KMT2E: variants seen among roughly 807,000 people sequenced by gnomAD.
KMT2E encodes the protein lysine methyltransferase 2E (inactive), also known as histone reader KMT2E.
In KMT2E, 30 loss-of-function variants were observed where a neutral mutation model predicts 184.6. That is an observed-to-expected ratio of 0.16 (90% CI 0.12 to 0.22). KMT2E has a LOEUF of 0.22. KMT2E is among the 10% of genes least tolerant of loss of function. The pLI, the probability that KMT2E is intolerant of heterozygous loss-of-function variation, is 1.00. For synonymous variants in KMT2E, 815 were observed against 776.5 expected, an observed-to-expected ratio of 1.05 and a Z score of -0.82; for missense variants, 2,023 against 2,237.4, an observed-to-expected ratio of 0.90 and a Z score of 1.93.
At chr7:105,058,322 C>CT (rs1796655869) in intron 3 of KMT2E, among the ~76,000 whole-genome samples, 1 of 152,100 alleles carries the variant, frequency 6.6e-6, no homozygotes, top group African/African-American at 2.4e-5. Context: ...GCTTGGTTGT[C>CT]TAACTCCTAA....
intron 3 of KMT2E, among the ~76,000 whole-genome samples, chr7:105,050,918 G>C (rs1584729136): frequency 2.2e-5 from 3 of 138,082 alleles, no homozygotes; most frequent in Non-Finnish European, 4.9e-5. Flanking sequence ...TTCGAGATGG[G>C]ATTTCACCAT....
chr7:105,057,735 AGCCACTGC>A (rs920668558), intron 3 of KMT2E, among the ~76,000 whole-genome samples: 4 of 152,156 alleles, frequency 2.6e-5, no homozygotes, highest in African/African-American at 9.7e-5. Context: ...CGTAAGCGTG[AGCCACTGC>A]GCCCAGCCTC....
intron 1 of KMT2E, among the ~76,000 whole-genome samples, chr7:105,025,067 A>G (rs1054090623): frequency 2.0e-5 from 3 of 152,176 alleles, no homozygotes; most frequent in African/African-American, 7.2e-5. Context: ...GCACTGGAGA[A>G]TGACATGTGG....
intron 5 of KMT2E, among the ~76,000 whole-genome samples, chr7:105,066,165 C>T (rs1334392124): frequency 1.3e-5 from 2 of 151,964 alleles, no homozygotes; most frequent in Admixed American, 6.6e-5. Flanking sequence ...AAATTGTTAC[C>T]TGTTGACAGA....
intron 1 of KMT2E, among the ~76,000 whole-genome samples, chr7:105,031,683 C>T (rs769035714): frequency 4.7e-5 from 7 of 150,452 alleles, no homozygotes; most frequent in Non-Finnish European, 7.4e-5. Context: ...ACATGGGAGG[C>T]GGAGGTTGCA....
Position 105,111,867 on chromosome 7 carries a change from A to G in KMT2E, c.4111A>G (p.Lys1371Glu). 1 of 1,613,974 alleles carries G rather than the reference A, an allele frequency of 6.2e-7. No individual in the cohort carries two copies. Among genetic ancestry groups the G allele is most frequent in the Non-Finnish European group, 8.5e-7 (1 of 1,179,954 alleles). Residue 1371 changes from lysine to glutamate, a missense_variant, in exon 27 of 27, where the codon AAA becomes GAA. Physicochemically the swap from Lys to Glu is moderately conservative, Grantham distance 56. This residue lies in a region of KMT2E where 1,108 missense variants were observed against 1,050.9 expected (regional missense o/e 1.05). Coordinates refer to ENST00000311117, the MANE Select transcript of KMT2E (RefSeq NM_182931.3). ...TGTAATTCCTGCTCAAGCACACGGG[A>G]AAATATTCACAAAACCAGATCCCCA... ...GSVIPAQAHG[K>E]IFTKPDPQWD...
intron 8 of KMT2E, among the ~76,000 whole-genome samples, chr7:105,075,532 A>G (rs1482927965): frequency 2.0e-5 from 3 of 152,200 alleles, no homozygotes; most frequent in African/African-American, 7.2e-5. Context: ...ATGTCTTATC[A>G]CTTCAACAAA....
chr7:105,032,658 C>A (rs996877440), intron 1 of KMT2E, among the ~76,000 whole-genome samples: 2 of 152,138 alleles, frequency 1.3e-5, no homozygotes, highest in African/African-American at 4.8e-5. Flanking sequence ...CATACCACTA[C>A]CCCTGGCTAA....
At chr7:105,087,271 AATAT>A (rs906302414) in intron 13 of KMT2E, among the ~76,000 whole-genome samples, 2 of 140,950 alleles carry the variant, frequency 1.4e-5, no homozygotes, top group African/African-American at 2.8e-5. Context: ...GCATATATAT[AATAT>A]ATAAATATGA....
chr7:105,063,970 T>G (rs1796922729), intron 5 of KMT2E: 1 of 450,752 alleles, frequency 2.2e-6, no homozygotes, highest in South Asian at 1.6e-5. Flanking sequence ...AATTAAACAT[T>G]TTCATTGATG....
rs768710233 is a variant in KMT2E at position 105,113,213 on chromosome 7, C to T, written c.5457C>T (p.Ala1819=). ...SGFCPHPGSV[A]LPHGVQGPQQ... is the part of the protein sequence containing the mutation. The stretch of plus-strand genomic sequence containing the variant: ...TCTGTCCTCATCCTGGCTCTGTGGC[C>T]CTGCCACATGGGGTTCAAGGACCTC... Residue 1819 remains alanine, a synonymous_variant, in exon 27 of 27, where the codon GCC becomes GCT. Transcript: ENST00000311117. 6.2e-7 allele frequency: 1 copy of T among 1,614,076 alleles called. No individual in the cohort carries two copies. The highest frequency in any genetic ancestry group is 2.2e-5 in the East Asian group (1 of 44,888).
intron 1 of KMT2E, among the ~76,000 whole-genome samples, chr7:105,032,627 A>T (rs2129564654): frequency 6.6e-6 from 1 of 152,242 alleles, no homozygotes; most frequent in Admixed American, 6.5e-5. Flanking sequence ...TCAGCCTCCC[A>T]GTTAGCTGGG....
intron 1 of KMT2E, among the ~76,000 whole-genome samples, chr7:105,023,737 G>C (rs1052379496): frequency 1.3e-5 from 2 of 152,146 alleles, no homozygotes; most frequent in Non-Finnish European, 2.9e-5. Flanking sequence ...GAGCCACTGT[G>C]CCCGGCTCCG....
At chr7:105,035,836 GAT>G (rs1795630875) in intron 1 of KMT2E, among the ~76,000 whole-genome samples, 1 of 151,944 alleles carries the variant, frequency 6.6e-6, no homozygotes. Context: ...TGGGATTACA[GAT>G]GTGAGCCACC....
intron 1 of KMT2E, among the ~76,000 whole-genome samples, chr7:105,036,208 T>C (rs1795650390): frequency 1.3e-5 from 2 of 150,554 alleles, no homozygotes; most frequent in African/African-American, 2.4e-5. Context: ...TGGCAGAGTC[T>C]GTCACCCAGG....
intron 2 of KMT2E, among the ~76,000 whole-genome samples, chr7:105,039,929 G>A (rs1038489289): frequency 6.6e-6 from 1 of 152,068 alleles, no homozygotes; most frequent in Non-Finnish European, 1.5e-5. Flanking sequence ...CCACTGTTAT[G>A]TAGTGAATTT....
Position 105,081,657 on chromosome 7 carries a change from T to C in KMT2E, c.1249-31T>C, listed in dbSNP as rs759122461. 4 of 1,035,152 alleles carry C rather than the reference T, an allele frequency of 3.9e-6. No individual in the cohort carries two copies. In the South Asian group the frequency reaches 5.6e-5, roughly 15 times the overall value. 64.1% of individuals were successfully genotyped at this position (1,035,152 alleles called of 1,614,324 possible). ...ATGCTTCTGAAGGCAGAAAGTAATT[T>C]ATGGTAATGTACAATTATTTTAACT... On this transcript the variant is annotated intron_variant, in intron 12 of 26. Transcript: ENST00000311117.
At chr7:105,104,239 G>A (rs990553672) in intron 17 of KMT2E, 1 of 152,078 alleles carries the variant, frequency 6.6e-6, no homozygotes, top group African/African-American at 2.4e-5. Flanking sequence ...TTCAGGGTCA[G>A]GTATATTCAT....
intron 3 of KMT2E, among the ~76,000 whole-genome samples, chr7:105,048,581 G>A (rs1244746997): frequency 1.3e-5 from 2 of 151,768 alleles, no homozygotes; most frequent in Non-Finnish European, 2.9e-5. Flanking sequence ...AAAAAAATAC[G>A]TGTGTGTTAT....
Sources: gnomAD v4.1 joint callset for allele counts (sites outside exome capture counted in the v4.1 genomes callset) on GRCh38, gnomAD v4.1.1 for gene constraint, gnomAD v4.1.1 regional missense constraint, MANE v1.5 for transcripts, NCBI Gene and HGNC (gene_info 2026-07-23, HGNC 2026-07-21) for gene names.